The following PIK3C2A variants were observed in gnomAD, a reference collection of about 807,000 sequenced individuals.
The protein encoded by PIK3C2A is phosphatidylinositol-4-phosphate 3-kinase catalytic subunit type 2 alpha.
Under a neutral mutation model 204.5 loss-of-function variants are expected in PIK3C2A, and 97 were observed. The observed-to-expected ratio is 0.47, with a 90% CI of 0.40 to 0.56. The LOEUF is 0.56. Ranked by LOEUF, PIK3C2A falls within the 20% of genes least tolerant of loss-of-function variation. The pLI is 0.00. For missense variants in PIK3C2A, 1,735 were observed against 1,969.2 expected, an observed-to-expected ratio of 0.88 and a Z score of 2.25; for synonymous variants, 653 against 664.4, an observed-to-expected ratio of 0.98 and a Z score of 0.26.
intron 1 of PIK3C2A, among the ~76,000 whole-genome samples, chr11:17,183,959 A>T (rs2137533673): frequency 6.6e-6 from 1 of 150,848 alleles, no homozygotes; most frequent in African/African-American, 2.4e-5. Context: ...AAAAAAAATT[A>T]GCCAGGCATG....
At chr11:17,122,053 T>G (rs901074437) in intron 15 of PIK3C2A, 135 bp downstream of exon 15, 1 of 463,318 alleles carries the variant, frequency 2.2e-6, no homozygotes. Context: ...GGAAAAAAAG[T>G]AAGTTAAATA....
chr11:17,147,772 C>A, intron 5 of PIK3C2A, 144 bp from the exon 6 acceptor site: 1 of 574,206 alleles, frequency 1.7e-6, no homozygotes, highest in Non-Finnish European at 3.1e-6. Flanking sequence ...AGCATTTAAA[C>A]AGAGAAATTA....
intron 1 of PIK3C2A, among the ~76,000 whole-genome samples, chr11:17,198,298 C>G (rs1033431795): frequency 2.6e-5 from 4 of 151,858 alleles, no homozygotes; most frequent in Non-Finnish European, 5.9e-5. Context: ...TTAGTAGAGA[C>G]AGGGTTTCAC....
chr11:17,202,047 G>A lies in PIK3C2A; in HGVS notation c.-66+5801C>T, dbSNP rs1456452152. 5.9e-5 allele frequency among the ~76,000 whole-genome samples: 9 copies of A among 151,974 alleles called. No individual in the cohort carries two copies. In the East Asian group the frequency reaches 1.7e-3, roughly 29 times the overall value. On this transcript the variant is annotated intron_variant, in intron 1 of 32. Transcript: ENST00000691414. Reference sequence around the variant, plus strand: ...GAGGCGGGCAGATCGCCTTAGGTCAGGAGTTCAAGACCAGCCTGGCCAAAA... The same window carrying A: ...GAGGCGGGCAGATCGCCTTAGGTCAAGAGTTCAAGACCAGCCTGGCCAAAA...
chr11:17,153,477 T>C (rs1850484095), intron 3 of PIK3C2A, among the ~76,000 whole-genome samples: 2 of 149,758 alleles, frequency 1.3e-5, no homozygotes, highest in Admixed American at 1.3e-4. Context: ...CTGTAACTAG[T>C]AGATATAGCA....
Position 17,136,502 on chromosome 11 carries a change from G to A in PIK3C2A, c.1828C>T (p.Pro610Ser), listed in dbSNP as rs1479461285. The change falls in exon 9 of 33, where the codon CCA becomes TCA. Residue 610 changes from proline to serine, a missense_variant. Physicochemically the swap from Pro to Ser is moderately conservative, Grantham distance 74 (BLOSUM62 -1). Around this residue, in one of 6 missense-constraint regions of PIK3C2A, gnomAD observed 10 missense variants for 28.1 expected, o/e 0.36. Coordinates refer to ENST00000691414, the MANE Select transcript of PIK3C2A (RefSeq NM_002645.4). ...CTCACATCAGCAGTTTTACTCCTTGGAAGATTAACTGCTCTCTTTAGCTTC... is the reference window on the plus strand; with the variant it reads ...CTCACATCAGCAGTTTTACTCCTTGAAAGATTAACTGCTCTCTTTAGCTTC... Reference protein sequence around the residue: ...VKKLKRAVNLPRSKTADVTSL... With the variant: ...VKKLKRAVNLSRSKTADVTSL... 1 of 1,610,212 alleles carries A rather than the reference G, an allele frequency of 6.2e-7. No homozygotes were observed. The highest frequency in any genetic ancestry group is 8.5e-7 in the Non-Finnish European group (1 of 1,177,168).
At chr11:17,098,557 C>T (rs1218026556) in intron 26 of PIK3C2A, among the ~76,000 whole-genome samples, 1 of 152,180 alleles carries the variant, frequency 6.6e-6, no homozygotes, top group Admixed American at 6.6e-5. Context: ...AGCAGGCAGA[C>T]GAATACATGC....
chr11:17,198,816 CAAA>C (rs57876134), intron 1 of PIK3C2A, among the ~76,000 whole-genome samples: 1 of 148,246 alleles, frequency 6.7e-6, no homozygotes, highest in Non-Finnish European at 1.5e-5. Flanking sequence ...CAAAACAAAA[CAAA>C]AAAAAAAAGC....
chr11:17,101,696 T>G (rs922510138), intron 24 of PIK3C2A, among the ~76,000 whole-genome samples: 1 of 151,450 alleles, frequency 6.6e-6, no homozygotes, highest in Non-Finnish European at 1.5e-5. Flanking sequence ...CTCCGCCTCC[T>G]GGGTTCATGA....
chr11:17,167,577 C>T (rs759381923), intron 2 of PIK3C2A, among the ~76,000 whole-genome samples: 8 of 152,146 alleles, frequency 5.3e-5, no homozygotes, highest in Non-Finnish European at 1.0e-4. Flanking sequence ...GCCAAGACTG[C>T]ACCACTGCAC....
chr11:17,129,600 T>G (rs1849633732), intron 12 of PIK3C2A, 133 bp from the exon 13 acceptor site: 1 of 664,812 alleles, frequency 1.5e-6, no homozygotes, highest in African/African-American at 1.8e-5. Flanking sequence ...ATTTTTATTT[T>G]ATTTTATTGA....
At chr11:17,173,279 T>G (rs1409464670) in intron 1 of PIK3C2A, among the ~76,000 whole-genome samples, 1 of 152,204 alleles carries the variant, frequency 6.6e-6, no homozygotes, top group Non-Finnish European at 1.5e-5. Context: ...TGGCCATTTC[T>G]ACCCTTGTCC....
At chr11:17,206,809 G>A (rs1852596503) in intron 1 of PIK3C2A, among the ~76,000 whole-genome samples, 1 of 152,146 alleles carries the variant, frequency 6.6e-6, no homozygotes. Flanking sequence ...GGCCTTTGAT[G>A]CTACAATAGA....
intron 1 of PIK3C2A, among the ~76,000 whole-genome samples, chr11:17,184,615 G>A (rs747034830): frequency 1.7e-4 from 26 of 152,154 alleles, no homozygotes; most frequent in Non-Finnish European, 2.9e-4. Flanking sequence ...AAAGGTTACA[G>A]TAAGCTAAGG....
intron 1 of PIK3C2A, among the ~76,000 whole-genome samples, chr11:17,171,282 T>C (rs1418682193): frequency 6.6e-6 from 1 of 152,198 alleles, no homozygotes; most frequent in Non-Finnish European, 1.5e-5. Flanking sequence ...AAATGGTACG[T>C]ATTATTAATC....
At chr11:17,143,623 T>TAAA (rs56407565) in intron 8 of PIK3C2A, among the ~76,000 whole-genome samples, 18 of 141,636 alleles carry the variant, frequency 1.3e-4, no homozygotes, top group African/African-American at 3.9e-4. Flanking sequence ...AAGAATATGT[T>TAAA]AAAAAAAAAA....
In PIK3C2A at chr11:17,111,896, A is replaced by C. The variant is rs574324019; in HGVS notation, c.3414+678T>G. Among the ~76,000 whole-genome samples the C allele has an allele frequency of 6.5e-4, 98 of 150,944 alleles. 2 individuals carry two copies. In the South Asian group the frequency reaches 0.017, roughly 26 times the overall value. ...AGTCTCCAAAACAAAAAAAAAAAAA[A>C]AAAAATTCAAAAAAAAAAAAAACTT... On this transcript the variant is annotated intron_variant, in intron 21 of 32. Coordinates refer to ENST00000691414, the MANE Select transcript of PIK3C2A (RefSeq NM_002645.4).
At position 17,118,720 on chromosome 11, in the gene PIK3C2A, T is replaced by A; in HGVS notation, c.2960A>T (p.Tyr987Phe). 3.9e-6 allele frequency: 6 copies of A among 1,545,270 alleles called. No homozygotes were observed. The highest frequency in any genetic ancestry group is 5.4e-6 in the Non-Finnish European group (6 of 1,119,632). ...QFVQALKYEI[Y>F]LNSSLVQFLL... ...GAATTGCACTAATGAACTATTCAAG[T>A]AAATTTCATATTTCAAAGCCTACAG... The change falls in exon 18 of 33, where the codon TAC becomes TTC. Residue 987 changes from tyrosine to phenylalanine, a missense_variant. Tyr to Phe is a conservative substitution (Grantham distance 22, BLOSUM62 3). This residue lies in a region of PIK3C2A where 567 missense variants were observed against 576.0 expected (regional missense o/e 0.98). Transcript: ENST00000691414.
intron 1 of PIK3C2A, chr11:17,193,869 A>AGGGGAGGGGAGGGGAGGGG (rs1565305770): frequency 2.2e-5 from 2 of 91,880 alleles, no homozygotes; most frequent in Non-Finnish European, 1.8e-5. Flanking sequence ...AAAGAAAAGA[A>AGGGGAGGGGAGGGGAGGGG]AAGAAAAGAA....
Sources: allele counts gnomAD v4.1 joint callset (sites outside exome capture counted in the v4.1 genomes callset), GRCh38; gene constraint gnomAD v4.1.1; regional missense constraint gnomAD v4.1.1; transcripts MANE v1.5; gene names NCBI Gene and HGNC (gene_info 2026-07-23, HGNC 2026-07-21).